ADAM32: variants seen among roughly 807,000 people sequenced by gnomAD.
ADAM32 encodes disintegrin and metalloproteinase domain-containing protein 32.
ADAM32 carries 89 observed loss-of-function variants against 114.9 expected under a neutral mutation model. That is an observed-to-expected ratio of 0.77 (90% CI 0.65 to 0.92). The LOEUF is 0.92. ADAM32 is among the 40% of genes least tolerant of loss of function. ADAM32 has a pLI of 0.00. For missense variants in ADAM32, 870 were observed against 932.8 expected, an observed-to-expected ratio of 0.93 and a Z score of 0.88; for synonymous variants, 285 against 307.5, an observed-to-expected ratio of 0.93 and a Z score of 0.77.
intron 11 of ADAM32, among the ~76,000 whole-genome samples, chr8:39,208,372 T>C (rs1482766119): frequency 2.0e-5 from 3 of 152,188 alleles, no homozygotes; most frequent in Admixed American, 2.0e-4. Flanking sequence ...ATATTACCTA[T>C]CTCTTAAAAA....
At chr8:39,173,512 A>AT (rs375144943) in intron 10 of ADAM32, among the ~76,000 whole-genome samples, 2 of 149,474 alleles carry the variant, frequency 1.3e-5, no homozygotes, top group Non-Finnish European at 3.0e-5. Context: ...CCACTTTTTA[A>AT]TTTTTTTTCT....
chr8:39,225,276 G>A (rs980335711), intron 14 of ADAM32, among the ~76,000 whole-genome samples: 2 of 151,998 alleles, frequency 1.3e-5, no homozygotes, highest in African/African-American at 4.8e-5. Context: ...AGGAACTTTT[G>A]TTGCTCTACA....
intron 3 of ADAM32, among the ~76,000 whole-genome samples, chr8:39,138,255 T>C (rs1802924859): frequency 2.0e-5 from 3 of 152,172 alleles, no homozygotes; most frequent in East Asian, 3.8e-4. Flanking sequence ...ACATGTGCCA[T>C]GTTGGTTTGC....
Position 39,189,829 on chromosome 8 carries a change from G to A in ADAM32, c.1052+2784G>A, listed in dbSNP as rs540638619. ...TCTTTTTTTTTTGAGATGGAGTCTC[G>A]CTCTGTTGCCCAGGCTGGAGTGCGG... is the stretch of plus-strand genomic sequence containing the variant. On this transcript the variant is annotated intron_variant, in intron 11 of 24. Coordinates refer to ENST00000379907, the MANE Select transcript of ADAM32 (RefSeq NM_145004.7). Among the ~76,000 whole-genome samples, 14 of 151,540 alleles carry A rather than the reference G, an allele frequency of 9.2e-5. 1 individual carries two copies. The East Asian group carries it at 2.1e-3, about 23-fold the overall frequency.
At chr8:39,126,139 A>G (rs1802102711) in intron 2 of ADAM32, among the ~76,000 whole-genome samples, 1 of 151,962 alleles carries the variant, frequency 6.6e-6, no homozygotes, top group South Asian at 2.1e-4. Flanking sequence ...GGTCTTGGCT[A>G]TTTGGGCTCT....
intron 10 of ADAM32, among the ~76,000 whole-genome samples, chr8:39,180,597 C>T (rs991344523): frequency 2.0e-5 from 3 of 152,242 alleles, no homozygotes; most frequent in African/African-American, 7.2e-5. Flanking sequence ...GCTCCTGAGT[C>T]TGGTGGGGAG....
rs550118617 is a variant in ADAM32 at position 39,127,824 on chromosome 8, A to G, written c.139-8833A>G. The stretch of plus-strand genomic sequence containing the variant: ...TTTGATGTGGGCATTTAGTGCTATA[A>G]ATCTCCCTCTTAAAATTGTTTTAGC... On this transcript the variant is annotated intron_variant, in intron 2 of 24. Coordinates refer to ENST00000379907, the MANE Select transcript of ADAM32 (RefSeq NM_145004.7). Among the ~76,000 whole-genome samples, 6 of 152,142 alleles carry G rather than the reference A, an allele frequency of 3.9e-5. No homozygotes were observed. The South Asian group carries it at 1.2e-3, about 31-fold the overall frequency.
chr8:39,173,357 C>A (rs542330206), intron 10 of ADAM32, among the ~76,000 whole-genome samples: 1 of 152,046 alleles, frequency 6.6e-6, no homozygotes, highest in East Asian at 1.9e-4. Context: ...TTTTAATAAT[C>A]GCCATTCTGA....
chr8:39,275,757 A>G (rs983129221), intron 21 of ADAM32, 71 bp from the exon 22 acceptor site: 2 of 1,394,090 alleles, frequency 1.4e-6, no homozygotes, highest in African/African-American at 1.5e-5. Context: ...ATGATCCGAC[A>G]TTCATTCATT....
At chr8:39,253,471 T>C (rs963102686) in intron 17 of ADAM32, among the ~76,000 whole-genome samples, 3 of 151,696 alleles carry the variant, frequency 2.0e-5, no homozygotes, top group African/African-American at 7.2e-5. Flanking sequence ...AATGGGAAAG[T>C]AGAAATAAAG....
chr8:39,157,537 AT>A, intron 6 of ADAM32: 1 of 486,034 alleles, frequency 2.1e-6, no homozygotes, highest in Non-Finnish European at 4.0e-6. Flanking sequence ...TGTTCCTGGC[AT>A]TAAGCTCCTT....
chr8:39,192,234 C>A (rs1215612515), intron 11 of ADAM32, among the ~76,000 whole-genome samples: 2 of 152,110 alleles, frequency 1.3e-5, no homozygotes, highest in African/African-American at 2.4e-5. Context: ...AGTGTAACAT[C>A]CCCTTTGTCA....
intron 7 of ADAM32, among the ~76,000 whole-genome samples, chr8:39,164,561 T>C (rs1348511298): frequency 1.3e-5 from 2 of 152,208 alleles, no homozygotes; most frequent in African/African-American, 4.8e-5. Flanking sequence ...ACCAAATTAT[T>C]TTCCAGAGTG....
intron 11 of ADAM32, among the ~76,000 whole-genome samples, chr8:39,198,819 A>G (rs1346341992): frequency 6.7e-6 from 1 of 148,302 alleles, no homozygotes; most frequent in Non-Finnish European, 1.5e-5. Flanking sequence ...GTACACTTGT[A>G]TGTGTTTTCA....
chr8:39,224,489 CATT>C (rs1206555677), intron 14 of ADAM32, among the ~76,000 whole-genome samples: 1 of 152,092 alleles, frequency 6.6e-6, no homozygotes, highest in East Asian at 1.9e-4. Context: ...AGTGGTATCT[CATT>C]GTGGTTCTGT....
chr8:39,138,295 G>A (rs756454076), intron 3 of ADAM32, among the ~76,000 whole-genome samples: 1 of 152,012 alleles, frequency 6.6e-6, no homozygotes, highest in Non-Finnish European at 1.5e-5. Context: ...TTTACATTAG[G>A]TATTTCTCCT....
chr8:39,140,600 T>C (rs555432750), intron 3 of ADAM32, among the ~76,000 whole-genome samples: 9 of 152,336 alleles, frequency 5.9e-5, no homozygotes, highest in African/African-American at 2.2e-4. Flanking sequence ...TCAGGGATAT[T>C]GGCCTAAAAT....
At chr8:39,113,134 C>G (rs1222498545) in intron 1 of ADAM32, among the ~76,000 whole-genome samples, 1 of 152,208 alleles carries the variant, frequency 6.6e-6, no homozygotes, top group Admixed American at 6.5e-5. Context: ...ACTGTCTTGA[C>G]TGCTACATGA....
chr8:39,109,323 C>A (rs901553736), intron 1 of ADAM32, among the ~76,000 whole-genome samples: 2 of 151,986 alleles, frequency 1.3e-5, no homozygotes, highest in African/African-American at 4.8e-5. Flanking sequence ...AGGTGGATCA[C>A]CTGAGTGAGG....
Sources: allele counts gnomAD v4.1 joint callset (sites outside exome capture counted in the v4.1 genomes callset), GRCh38; gene constraint gnomAD v4.1.1; transcripts MANE v1.5; gene names NCBI Gene and HGNC (gene_info 2026-07-23, HGNC 2026-07-21).